Variants in ARHGEF4 observed in about 807,000 individuals in gnomAD.
ARHGEF4 encodes Rho guanine nucleotide exchange factor 4.
In ARHGEF4, 119 loss-of-function variants were observed where a neutral mutation model predicts 162.0. That is an observed-to-expected ratio of 0.73 (90% CI 0.63 to 0.86). The LOEUF (loss-of-function observed/expected upper bound fraction) is 0.86, where lower values mean the gene tolerates loss of function less well. ARHGEF4 is among the 40% of genes least tolerant of loss of function. The pLI is 0.00. For missense variants in ARHGEF4, 2,488 were observed against 2,456.0 expected (o/e 1.01, Z -0.28); for synonymous variants, 1,014 against 979.9 (o/e 1.03, Z -0.65).
At chr2:130,977,062 TTGTA>T (rs1351983322) in intron 4 of ARHGEF4, among the ~76,000 whole-genome samples, 3 of 151,328 alleles carry the variant, frequency 2.0e-5, no homozygotes, top group Non-Finnish European at 3.0e-5. Context: ...GTGGTGTGTT[TTGTA>T]TGTGTGTTAC....
intron 4 of ARHGEF4, among the ~76,000 whole-genome samples, chr2:130,977,676 G>T (rs1685844260): frequency 6.6e-6 from 1 of 151,944 alleles, no homozygotes; most frequent in Non-Finnish European, 1.5e-5. Flanking sequence ...GTGTGTGTGT[G>T]TGCGCTGTGT....
intron 4 of ARHGEF4, among the ~76,000 whole-genome samples, chr2:130,971,518 C>G (rs1685366627): frequency 6.6e-6 from 1 of 151,808 alleles, no homozygotes; most frequent in Admixed American, 6.6e-5. Flanking sequence ...ATTAGCCAGG[C>G]GTGGTGGCGG....
intron 4 of ARHGEF4, among the ~76,000 whole-genome samples, chr2:130,986,362 C>T (rs933791082): frequency 6.6e-6 from 1 of 152,194 alleles, no homozygotes; most frequent in Admixed American, 6.5e-5. Flanking sequence ...AGGATTCTGG[C>T]TGCCCTGGCC....
intron 10 of ARHGEF4, 30 bp downstream of exon 10, chr2:131,041,974 G>A: frequency 6.2e-7 from 1 of 1,605,966 alleles, no homozygotes; most frequent in Non-Finnish European, 8.5e-7. Context: ...GAAAATTCCA[G>A]GAGGTCTTGG....
chr2:130,904,701 CT>C (rs1425156883), intron 1 of ARHGEF4, among the ~76,000 whole-genome samples: 4 of 151,944 alleles, frequency 2.6e-5, no homozygotes, highest in African/African-American at 9.7e-5. Context: ...GGAAGCCCAA[CT>C]TTTTTGCAAA....
At chr2:130,937,055 G>A (rs1367524206) in intron 3 of ARHGEF4, among the ~76,000 whole-genome samples, 1 of 151,630 alleles carries the variant, frequency 6.6e-6, no homozygotes, top group Non-Finnish European at 1.5e-5. Context: ...TTACAGGCAT[G>A]CACCACCAGG....
In ARHGEF4 at chr2:130,916,878, G is replaced by C. The variant is rs1559038482; in HGVS notation, c.2932G>C (p.Val978Leu). 5.8e-6 allele frequency: 9 copies of C among 1,550,486 alleles called. No individual in the cohort carries two copies. Among genetic ancestry groups the C allele is most frequent in the Non-Finnish European group, 7.0e-6 (8 of 1,146,990 alleles). Residue 978 changes from valine (V) to leucine (L), a missense_variant, in exon 2 of 14, where the codon GTT (valine) becomes CTT (leucine). Physicochemically the swap from Val to Leu is conservative, Grantham distance 32. Transcript: ENST00000409359. ...AGTGAGTCTGCCTCTAGGACCCGAAGTTCTCTCCCCAGCAGAGACCGACAG... is the reference window on the plus strand; with the variant it reads ...AGTGAGTCTGCCTCTAGGACCCGAACTTCTCTCCCCAGCAGAGACCGACAG... ...TLVSLPLGPE[V>L]LSPAETDSHC...
chr2:130,923,565 C>T (rs1177236828), intron 2 of ARHGEF4, among the ~76,000 whole-genome samples: 17 of 152,304 alleles, frequency 1.1e-4, no homozygotes, highest in East Asian at 1.9e-4. Flanking sequence ...CTAGATGCAG[C>T]GGACACTGTA....
intron 1 of ARHGEF4, among the ~76,000 whole-genome samples, chr2:130,906,630 C>T (rs1680825597): frequency 6.6e-6 from 1 of 152,188 alleles, no homozygotes; most frequent in South Asian, 2.1e-4. Flanking sequence ...CCCTCGTATA[C>T]ATGTAAAATA....
Position 130,915,000 on chromosome 2 carries a change from G to T in ARHGEF4, c.1054G>T (p.Val352Leu). The change falls in exon 2 of 14, where the codon GTG (valine) becomes TTG (leucine). Residue 352 changes from valine (V) to leucine (L), a missense_variant. Physicochemically the swap from Val to Leu is conservative, Grantham distance 32. Coordinates refer to ENST00000409359, the MANE Select transcript of ARHGEF4 (RefSeq NM_001367493.1). ...TTCACCAGAGTGCCCCGAGGATCCC[G>T]TGGGACAGAATGTTGTGAAGTCTGG... ...GFSPECPEDP[V>L]GQNVVKSGTH... 1 of 1,550,614 alleles carries T rather than the reference G, an allele frequency of 6.4e-7. No individual in the cohort carries two copies. Among genetic ancestry groups the T allele is most frequent in the Non-Finnish European group, 8.7e-7 (1 of 1,147,008 alleles).
chr2:130,902,272 T>C lies in ARHGEF4; in HGVS notation c.40-11714T>C, dbSNP rs141313667. Among the ~76,000 whole-genome samples, 447 of 148,588 alleles carry C rather than the reference T, an allele frequency of 3.0e-3. 4 individuals are homozygous for C. Among genetic ancestry groups the C allele is most frequent in the African/African-American group, 0.01 (420 of 40,624 alleles). On this transcript the variant is annotated intron_variant, in intron 1 of 13. Transcript: ENST00000409359. ...CTTCCCTCCCTCCTTCCTTTCTGTC[T>C]CTTGACAGAACTGCGGGTTCTCTGG... is the stretch of plus-strand genomic sequence containing the variant.
chr2:130,901,583 C>T (rs1680492682), intron 1 of ARHGEF4, among the ~76,000 whole-genome samples: 1 of 151,744 alleles, frequency 6.6e-6, no homozygotes, highest in Non-Finnish European at 1.5e-5. Flanking sequence ...TGCAATCACG[C>T]AGTCTCAGCT....
At position 130,968,225 on chromosome 2, in the gene ARHGEF4, C is replaced by G. The variant is rs547483954; in HGVS notation, c.3985+21590C>G. On this transcript the variant is annotated intron_variant, in intron 4 of 13. Coordinates refer to ENST00000409359, the MANE Select transcript of ARHGEF4 (RefSeq NM_001367493.1). The stretch of plus-strand genomic sequence containing the variant: ...GGCTTAAAGGTGATCTTGTAGGAGC[C>G]GGTCAAGGGCCAGTTCTCCCTTTGG... 1.6e-3 allele frequency among the ~76,000 whole-genome samples: 245 copies of G among 152,286 alleles called. 1 individual carries two copies. Among genetic ancestry groups the G allele is most frequent in the Non-Finnish European group, 2.1e-3 (143 of 68,020 alleles).
intron 4 of ARHGEF4, among the ~76,000 whole-genome samples, chr2:130,979,262 A>G (rs1274357229): frequency 6.6e-6 from 1 of 152,200 alleles, no homozygotes; most frequent in Non-Finnish European, 1.5e-5. Context: ...CCTAGAACCC[A>G]TGTTAGCAAC....
At chr2:130,913,954 T>C in intron 1 of ARHGEF4, 32 bp from the exon 2 acceptor site, 3 of 1,535,688 alleles carry the variant, frequency 2.0e-6, no homozygotes, top group Non-Finnish European at 2.6e-6. Flanking sequence ...ACTCAGGCCT[T>C]GTCTCTGACT....
At chr2:130,849,833 G>T (rs1681275620) in intron 1 of ARHGEF4, among the ~76,000 whole-genome samples, 1 of 152,160 alleles carries the variant, frequency 6.6e-6, no homozygotes. Flanking sequence ...CCAAAGTGCT[G>T]GGATTACAGG....
chr2:130,958,387 G>A (rs1684419364), intron 4 of ARHGEF4, among the ~76,000 whole-genome samples: 1 of 151,398 alleles, frequency 6.6e-6, no homozygotes, highest in African/African-American at 2.4e-5. Flanking sequence ...CTTTTTTTTT[G>A]AGATGGAGTC....
chr2:130,917,429 C>T lies in ARHGEF4; in HGVS notation c.3483C>T (p.Ser1161=). 1 of 1,550,626 alleles carries T rather than the reference C, an allele frequency of 6.4e-7. No homozygotes were observed. The highest frequency in any genetic ancestry group is 8.7e-7 in the Non-Finnish European group (1 of 1,147,014). ...ACCAAGATGAGCAGAAGGAAGAGAG[C>T]AGGGAAGGAGGCCAGGGTCCGCGCG... ...TLNQDEQKEE[S]REGGQGPRGL... is the part of the protein sequence containing the mutation. Residue 1161 remains serine, a synonymous_variant, in exon 2 of 14, where the codon AGC becomes AGT. Coordinates refer to ENST00000409359, the MANE Select transcript of ARHGEF4 (RefSeq NM_001367493.1).
intron 4 of ARHGEF4, among the ~76,000 whole-genome samples, chr2:130,992,661 TAA>T (rs765427677): frequency 2.6e-5 from 4 of 152,210 alleles, no homozygotes; most frequent in Non-Finnish European, 5.9e-5. Flanking sequence ...GCTTCATTCT[TAA>T]AGTCAGTGAG....
Sources: allele counts gnomAD v4.1 joint callset (sites outside exome capture counted in the v4.1 genomes callset), GRCh38; gene constraint gnomAD v4.1.1; transcripts MANE v1.5; gene names NCBI Gene and HGNC (gene_info 2026-07-23, HGNC 2026-07-21).